CACNA1A: variants seen among roughly 807,000 people sequenced by gnomAD.
CACNA1A encodes the protein voltage-dependent P/Q-type calcium channel subunit alpha-1A.
CACNA1A carries 57 observed loss-of-function variants against 262.4 expected under a neutral mutation model. The observed-to-expected ratio is 0.22, with a 90% CI of 0.18 to 0.27. The LOEUF is 0.27. CACNA1A is among the 10% of genes least tolerant of loss of function. The pLI is 1.00. For missense variants in CACNA1A, 2,526 were observed against 3,562.8 expected, an observed-to-expected ratio of 0.71 and a Z score of 7.41; for synonymous variants, 1,431 against 1,419.3, an observed-to-expected ratio of 1.01 and a Z score of -0.18.
chr19:13,210,775 G>A, intron 43 of CACNA1A, 123 bp from the exon 44 acceptor site: 1 of 979,478 alleles, frequency 1.0e-6, no homozygotes. Flanking sequence ...GAGTGGCACT[G>A]GCATCAAGAG....
intron 1 of CACNA1A, among the ~76,000 whole-genome samples, chr19:13,465,651 G>GT (rs1420405317): frequency 6.6e-6 from 1 of 151,910 alleles, no homozygotes; most frequent in Non-Finnish European, 1.5e-5. Flanking sequence ...CACCTGGCTA[G>GT]TTTTTTGTAA....
chr19:13,393,582 T>TTCC (rs1377480422), intron 3 of CACNA1A, among the ~76,000 whole-genome samples: 1 of 118,414 alleles, frequency 8.4e-6, no homozygotes, highest in East Asian at 3.3e-4. Flanking sequence ...CTTCTTCTTC[T>TTCC]TCCTCCTCCT....
At chr19:13,210,722 G>C (rs1313472046) in intron 43 of CACNA1A, 70 bp from the exon 44 acceptor site, 3 of 1,471,712 alleles carry the variant, frequency 2.0e-6, no homozygotes, top group Non-Finnish European at 2.8e-6. Flanking sequence ...AAAGGCAAGA[G>C]GGAGAGTGAG....
intron 17 of CACNA1A, among the ~76,000 whole-genome samples, 199 bp from the exon 18 acceptor site, chr19:13,300,855 T>C (rs2057771981): frequency 6.6e-6 from 1 of 152,152 alleles, no homozygotes; most frequent in Admixed American, 6.6e-5. Flanking sequence ...TCTAACTCAT[T>C]ATGAAGCCTA....
intron 38 of CACNA1A, among the ~76,000 whole-genome samples, chr19:13,217,924 ATTCTT>A (rs2055074711): frequency 9.7e-6 from 1 of 103,536 alleles, no homozygotes; most frequent in Non-Finnish European, 1.8e-5. Context: ...TGTATAGTTC[ATTCTT>A]TTTTTTTTTT....
intron 3 of CACNA1A, among the ~76,000 whole-genome samples, chr19:13,440,759 C>T (rs1432783655): frequency 3.9e-5 from 6 of 152,184 alleles, no homozygotes; most frequent in African/African-American, 1.4e-4. Flanking sequence ...CAGACATTAA[C>T]TCATTGAACC....
chr19:13,351,785 G>C (rs1238618928), intron 6 of CACNA1A, among the ~76,000 whole-genome samples: 6 of 152,102 alleles, frequency 3.9e-5, no homozygotes, highest in Non-Finnish European at 8.8e-5. Flanking sequence ...TGGGATTACA[G>C]GCGTGAGCCA....
intron 1 of CACNA1A, among the ~76,000 whole-genome samples, chr19:13,461,430 C>T (rs748973601): frequency 1.7e-4 from 26 of 152,150 alleles, no homozygotes; most frequent in Non-Finnish European, 3.7e-4. Flanking sequence ...GTCCTGCTGC[C>T]TAGAAACCCC....
intron 15 of CACNA1A, among the ~76,000 whole-genome samples, chr19:13,305,775 T>C (rs963693818): frequency 5.9e-5 from 9 of 152,184 alleles, no homozygotes; most frequent in African/African-American, 1.9e-4. Flanking sequence ...TAATAATCGC[T>C]TATGGGCCAG....
chr19:13,417,147 C>T (rs527305886), intron 3 of CACNA1A, among the ~76,000 whole-genome samples: 2 of 152,330 alleles, frequency 1.3e-5, no homozygotes, highest in East Asian at 1.9e-4. Flanking sequence ...GTGGCAGCCA[C>T]TCGTCCAGGT....
At chr19:13,434,832 C>A (rs2060582344) in intron 3 of CACNA1A, among the ~76,000 whole-genome samples, 1 of 152,030 alleles carries the variant, frequency 6.6e-6, no homozygotes, top group Non-Finnish European at 1.5e-5. Flanking sequence ...CTCTGTCGCC[C>A]AGGCTGGAGT....
intron 22 of CACNA1A, among the ~76,000 whole-genome samples, chr19:13,279,623 T>A (rs2057238075): frequency 6.6e-6 from 1 of 152,062 alleles, no homozygotes; most frequent in Non-Finnish European, 1.5e-5. Context: ...TGTCTGGGAT[T>A]ACAGGCGCAT....
intron 3 of CACNA1A, among the ~76,000 whole-genome samples, chr19:13,425,558 A>T (rs1416576992): frequency 6.6e-6 from 1 of 152,212 alleles, no homozygotes; most frequent in Non-Finnish European, 1.5e-5. Context: ...TTTGCAGAAA[A>T]GGAGAAAAAC....
intron 6 of CACNA1A, among the ~76,000 whole-genome samples, chr19:13,352,969 C>T (rs1367334308): frequency 1.3e-5 from 2 of 152,020 alleles, no homozygotes; most frequent in Non-Finnish European, 2.9e-5. Flanking sequence ...GATGAGGTTT[C>T]GCCATGTTGG....
chr19:13,447,119 G>A (rs974338171), intron 3 of CACNA1A, among the ~76,000 whole-genome samples: 66 of 152,246 alleles, frequency 4.3e-4, no homozygotes, highest in African/African-American at 1.5e-3. Context: ...GATGTGAAAG[G>A]AACCCAATCT....
chr19:13,340,374 A>T (rs1174395674), intron 6 of CACNA1A, among the ~76,000 whole-genome samples: 1 of 151,482 alleles, frequency 6.6e-6, no homozygotes, highest in African/African-American at 2.4e-5. Context: ...GAGTGGGTAT[A>T]TAATTATCCC....
chr19:13,425,574 T>C (rs2060387440), intron 3 of CACNA1A, among the ~76,000 whole-genome samples: 1 of 152,178 alleles, frequency 6.6e-6, no homozygotes, highest in African/African-American at 2.4e-5. Context: ...AAAACAAAAG[T>C]TTTTGAGAAA....
chr19:13,446,251 A>G (rs1359257468), intron 3 of CACNA1A, among the ~76,000 whole-genome samples: 5 of 62,176 alleles, frequency 8.0e-5, no homozygotes, highest in Admixed American at 3.2e-4. Context: ...CTCTGTCCCG[A>G]AAAAAAAAAA....
intron 22 of CACNA1A, among the ~76,000 whole-genome samples, chr19:13,279,949 C>T (rs2057250240): frequency 1.3e-5 from 2 of 152,040 alleles, no homozygotes; most frequent in South Asian, 2.1e-4. Flanking sequence ...GCTGGGATTA[C>T]AGTTGTGTGT....
Sources: gnomAD v4.1 joint callset for allele counts (sites outside exome capture counted in the v4.1 genomes callset) on GRCh38, gnomAD v4.1.1 for gene constraint, MANE v1.5 for transcripts, NCBI Gene and HGNC (gene_info 2026-07-23, HGNC 2026-07-21) for gene names.